ZNF676: variants seen among roughly 807,000 people sequenced by gnomAD.
The protein encoded by ZNF676 is zinc finger protein 676.
Under a neutral mutation model 6.0 loss-of-function variants are expected in ZNF676, and 4 were observed. The ratio of observed to expected loss-of-function variants is 0.67; its 90% CI spans 0.33 to 1.53. The LOEUF (loss-of-function observed/expected upper bound fraction) is 1.53, where lower values mean the gene tolerates loss of function less well. ZNF676 is among the 40% of genes most tolerant of loss of function. The pLI is 0.06. For synonymous variants in ZNF676, 198 were observed against 223.1 expected, an observed-to-expected ratio of 0.89 and a Z score of 1.00; for missense variants, 644 against 679.7, an observed-to-expected ratio of 0.95 and a Z score of 0.58.
At chr19:22,258,573 A>G in the ZNF676 span, among the ~76,000 whole-genome samples, 2,253 of 152,316 alleles carry the variant, frequency 0.015, 45 homozygotes, top group African/African-American at 0.051. Context: ...TAATGGTCAC[A>G]GCGATACGTC....
the ZNF676 span, among the ~76,000 whole-genome samples, chr19:22,229,877 G>A: frequency 1.1e-4 from 17 of 152,132 alleles, no homozygotes; most frequent in Admixed American, 8.5e-4. Flanking sequence ...AGGAGAAATA[G>A]GAACACTTTC....
chr19:22,222,844 A>G, the ZNF676 span, among the ~76,000 whole-genome samples: 1 of 152,108 alleles, frequency 6.6e-6, no homozygotes, highest in Non-Finnish European at 1.5e-5. Flanking sequence ...ATCCTTCAGG[A>G]CTTTCATCTG....
At chr19:22,249,021 C>T in the ZNF676 span, among the ~76,000 whole-genome samples, 1 of 152,062 alleles carries the variant, frequency 6.6e-6, no homozygotes, top group African/African-American at 2.4e-5. Context: ...TGAGCCACCA[C>T]ACCCGGCCAT....
Position 22,180,803 on chromosome 19 carries a change from C to A in ZNF676, c.914G>T (p.Gly305Val), listed in dbSNP as rs774048823. 6.3e-7 allele frequency: 1 copy of A among 1,594,326 alleles called. No homozygotes were observed. The highest frequency in any genetic ancestry group is 1.1e-5 in the South Asian group (1 of 90,450). The change falls in exon 3 of 3, where the codon GGA becomes GTA. Residue 305 changes from glycine to valine, a missense_variant. By Grantham distance (109) the Gly-to-Val change is moderately radical (BLOSUM62 -3). This residue lies in a region of ZNF676 where 28 missense variants were observed against 83.7 expected (regional missense o/e 0.33). Transcript: ENST00000397121. ...TTCTTCACACTTGTAGGGTTTCTCT[C>A]CAGTATGAATTCTCTTATGTTCCAT... ...KLMEHKRIHT[G>V]EKPYKCEECG...
intron 2 of ZNF676, among the ~76,000 whole-genome samples, chr19:22,190,049 C>T (rs1267121990): frequency 2.6e-5 from 4 of 152,022 alleles, no homozygotes; most frequent in Non-Finnish European, 5.9e-5. Flanking sequence ...ATAAATCATT[C>T]TACTATAAAG....
At chr19:22,187,502 G>C (rs2023854431) in intron 2 of ZNF676, among the ~76,000 whole-genome samples, 1 of 150,886 alleles carries the variant, frequency 6.6e-6, no homozygotes, top group African/African-American at 2.4e-5. Context: ...CAGAATACAA[G>C]AAATAACTAA....
chr19:22,235,130 A>AGGAG, the ZNF676 span, among the ~76,000 whole-genome samples: 1 of 148,682 alleles, frequency 6.7e-6, no homozygotes, highest in Non-Finnish European at 1.5e-5. Context: ...GCAGGAAGGA[A>AGGAG]GGAAGGAAGG....
At chr19:22,212,131 C>T (rs1297799935) in intron 1 of ZNF676, among the ~76,000 whole-genome samples, 1 of 142,436 alleles carries the variant, frequency 7.0e-6, no homozygotes, top group African/African-American at 2.6e-5. Context: ...ACCTGGGAGG[C>T]GAAGCTTGCA....
At chr19:22,226,517 CTT>C in the ZNF676 span, among the ~76,000 whole-genome samples, 1 of 151,566 alleles carries the variant, frequency 6.6e-6, no homozygotes, top group Non-Finnish European at 1.5e-5. Flanking sequence ...TTTTTTGACT[CTT>C]GAGCAAGAAT....
upstream of ZNF676, among the ~76,000 whole-genome samples, chr19:22,200,910 C>A (rs1385088292): frequency 6.6e-6 from 1 of 151,930 alleles, no homozygotes; most frequent in Non-Finnish European, 1.5e-5. Context: ...TCTCTTTGAG[C>A]CTCCAGACCT....
intron 2 of ZNF676, among the ~76,000 whole-genome samples, chr19:22,190,668 T>TATATAC (rs1233210246): frequency 9.8e-4 from 92 of 93,730 alleles, no homozygotes; most frequent in African/African-American, 4.1e-3. Context: ...TATATATACA[T>TATATAC]ACACACTTTA....
intron 2 of ZNF676, among the ~76,000 whole-genome samples, chr19:22,189,524 C>A (rs1412258020): frequency 6.6e-6 from 1 of 151,914 alleles, no homozygotes; most frequent in Non-Finnish European, 1.5e-5. Context: ...ACAAAAGGGA[C>A]CTAATTTAAC....
intron 1 of ZNF676, among the ~76,000 whole-genome samples, chr19:22,204,194 T>C (rs1032921532): frequency 4.6e-5 from 7 of 152,176 alleles, no homozygotes; most frequent in African/African-American, 1.4e-4. Context: ...ATTTTTCCTA[T>C]TGGGTAAATT....
intron 1 of ZNF676, among the ~76,000 whole-genome samples, chr19:22,215,037 T>C (rs928618831): frequency 1.5e-5 from 1 of 66,668 alleles, no homozygotes; most frequent in African/African-American, 5.8e-5. Context: ...CGAGACTCCA[T>C]CTCAAAAAAA....
intron 2 of ZNF676, among the ~76,000 whole-genome samples, chr19:22,187,167 A>G (rs2023850489): frequency 6.6e-6 from 1 of 152,194 alleles, no homozygotes; most frequent in Admixed American, 6.5e-5. Flanking sequence ...AATAACAAAC[A>G]GTCTCTCAGA....
upstream of ZNF676, among the ~76,000 whole-genome samples, chr19:22,200,247 G>A (rs891380488): frequency 1.7e-4 from 26 of 151,748 alleles, no homozygotes; most frequent in African/African-American, 6.0e-4. Flanking sequence ...AATCCCTTAA[G>A]GTTTTCTATA....
At chr19:22,215,061 C>CAAAAAAA (rs10634809) in intron 1 of ZNF676, among the ~76,000 whole-genome samples, 1 of 124,616 alleles carries the variant, frequency 8.0e-6, no homozygotes. Context: ...AAAAAAAAAA[C>CAAAAAAA]AACAAAAAAC....
At chr19:22,211,886 G>C (rs1415857300) in intron 1 of ZNF676, among the ~76,000 whole-genome samples, 2 of 152,050 alleles carry the variant, frequency 1.3e-5, no homozygotes, top group African/African-American at 2.4e-5. Context: ...GGAATTGTTT[G>C]AAATCACTCA....
chr19:22,182,394 A>C (rs1234242292), intron 2 of ZNF676, among the ~76,000 whole-genome samples: 1 of 152,052 alleles, frequency 6.6e-6, no homozygotes, highest in African/African-American at 2.4e-5. Flanking sequence ...AAAATATTAT[A>C]AAGTTTTCAG....
Sources: allele counts gnomAD v4.1 joint callset (sites outside exome capture counted in the v4.1 genomes callset), GRCh38; gene constraint gnomAD v4.1.1; regional missense constraint gnomAD v4.1.1; transcripts MANE v1.5; gene names NCBI Gene and HGNC (gene_info 2026-07-23, HGNC 2026-07-21).